NAV2: variants seen among roughly 807,000 people sequenced by gnomAD.
The protein encoded by NAV2 is neuron navigator 2.
A neutral mutation model predicts 223.2 loss-of-function variants in NAV2; 54 were observed. The ratio of observed to expected loss-of-function variants is 0.24; its 90% CI spans 0.19 to 0.30. NAV2 has a LOEUF of 0.30. Ranked by LOEUF, NAV2 falls within the 10% of genes least tolerant of loss-of-function variation. NAV2 has a pLI of 1.00. For missense variants in NAV2, 2,806 were observed against 3,147.5 expected (o/e 0.89, Z 2.60); for synonymous variants, 1,279 against 1,239.3 (o/e 1.03, Z -0.67).
At chr11:19,912,065 T>C (rs944222780) in intron 6 of NAV2, among the ~76,000 whole-genome samples, 3 of 152,216 alleles carry the variant, frequency 2.0e-5, no homozygotes, top group African/African-American at 7.2e-5. Context: ...CTAGGTTACA[T>C]CCTGACTTAA....
intron 11 of NAV2, among the ~76,000 whole-genome samples, chr11:20,026,652 G>A (rs1314763130): frequency 6.6e-6 from 1 of 152,190 alleles, no homozygotes; most frequent in Non-Finnish European, 1.5e-5. Flanking sequence ...ATCTTCTTTG[G>A]TGTGGGAAAC....
Position 19,640,941 on chromosome 11 carries a change from A to G in NAV2, c.76-191543A>G, listed in dbSNP as rs546822464. Reference sequence around the variant, plus strand: ...GGACCCAGGACACCATTAGCGCTATACTTCCCCAAAGTCCCCACCTAGGGA... The same window carrying G: ...GGACCCAGGACACCATTAGCGCTATGCTTCCCCAAAGTCCCCACCTAGGGA... On this transcript the variant is annotated intron_variant, in intron 1 of 37. Coordinates refer to the NAV2 transcript ENST00000360655. 3.9e-5 allele frequency among the ~76,000 whole-genome samples: 6 copies of G among 152,218 alleles called. No individual in the cohort carries two copies. In the South Asian group the frequency reaches 8.3e-4, roughly 21 times the overall value.
chr11:19,988,575 C>T (rs2051021968), intron 11 of NAV2, among the ~76,000 whole-genome samples: 2 of 152,048 alleles, frequency 1.3e-5, no homozygotes, highest in Admixed American at 1.3e-4. Context: ...TTTCATTACC[C>T]TTCAAATTCT....
intron 19 of NAV2, among the ~76,000 whole-genome samples, chr11:20,057,087 TG>T (rs1448883888): frequency 6.6e-6 from 1 of 152,088 alleles, no homozygotes; most frequent in African/African-American, 2.4e-5. Context: ...GTTGTCCCTT[TG>T]TTGCCATTGA....
At chr11:19,831,552 C>T (rs573239739) in intron 1 of NAV2, among the ~76,000 whole-genome samples, 2 of 152,290 alleles carry the variant, frequency 1.3e-5, no homozygotes, top group Admixed American at 6.5e-5. Flanking sequence ...CATATACACT[C>T]TTCTGCAAAC....
At position 20,095,774 on chromosome 11, in the gene NAV2, G is replaced by GT. The variant is rs762435909; in HGVS notation, c.6012+10dup. Reference sequence around the variant, plus strand: ...GGTTAGACGGCTGTTCAAAGTAAGTGTTTCAAGACAACGGCTACAGCATAC... The same window carrying GT: ...GGTTAGACGGCTGTTCAAAGTAAGTGTTTTCAAGACAACGGCTACAGCATAC... On this transcript the variant is annotated splice_region_variant and intron_variant, in intron 30 of 37. Coordinates refer to ENST00000349880, the MANE Select transcript of NAV2 (RefSeq NM_145117.5). 1 of 1,609,814 alleles carries GT rather than the reference G, an allele frequency of 6.2e-7. No individual in the cohort carries two copies. The highest frequency in any genetic ancestry group is 2.2e-5 in the East Asian group (1 of 44,842).
At chr11:19,751,902 GTC>G (rs2053856710) in intron 1 of NAV2, among the ~76,000 whole-genome samples, 1 of 152,006 alleles carries the variant, frequency 6.6e-6, no homozygotes, top group Non-Finnish European at 1.5e-5. Flanking sequence ...GACCCAGGTG[GTC>G]AACTACTAGC....
chr11:19,371,767 GTTTTTTT>G (rs9299953), intron 1 of NAV2, among the ~76,000 whole-genome samples: 25 of 96,964 alleles, frequency 2.6e-4, no homozygotes, highest in Admixed American at 9.5e-4. Context: ...TCTGTATCAG[GTTTTTTT>G]TTTTTTTTTT....
intron 14 of NAV2, among the ~76,000 whole-genome samples, chr11:20,048,118 T>A (rs1382679489): frequency 6.6e-6 from 1 of 152,182 alleles, no homozygotes; most frequent in African/African-American, 2.4e-5. Context: ...CAAGCAAGAT[T>A]TCCATGTATG....
intron 1 of NAV2, among the ~76,000 whole-genome samples, chr11:19,358,229 A>G (rs947572260): frequency 6.6e-6 from 1 of 152,174 alleles, no homozygotes; most frequent in African/African-American, 2.4e-5. Flanking sequence ...GCAGGAGTAG[A>G]TGTTTTTTAC....
chr11:19,820,227 G>A (rs1428700276), intron 1 of NAV2, among the ~76,000 whole-genome samples: 1 of 152,264 alleles, frequency 6.6e-6, no homozygotes, highest in African/African-American at 2.4e-5. Flanking sequence ...ATTGATGTCT[G>A]CTGTCAATAA....
At chr11:20,020,029 G>T (rs1158966919) in intron 11 of NAV2, among the ~76,000 whole-genome samples, 1 of 151,548 alleles carries the variant, frequency 6.6e-6, no homozygotes, top group Admixed American at 6.6e-5. Context: ...GATTTGATGA[G>T]ATTAGTGATA....
intron 36 of NAV2, among the ~76,000 whole-genome samples, chr11:20,108,785 C>T (rs531681952): frequency 6.6e-6 from 1 of 152,232 alleles, no homozygotes; most frequent in East Asian, 1.9e-4. Context: ...CTCACTTGAC[C>T]CAGGGTTTAA....
chr11:19,845,319 G>A (rs779723589), intron 3 of NAV2, among the ~76,000 whole-genome samples: 27 of 152,126 alleles, frequency 1.8e-4, no homozygotes, highest in Admixed American at 1.4e-3. Context: ...TTTGTTGTTC[G>A]CTAAATATTG....
chr11:19,662,148 A>G (rs1235524617), intron 1 of NAV2, among the ~76,000 whole-genome samples: 1 of 152,230 alleles, frequency 6.6e-6, no homozygotes, highest in Non-Finnish European at 1.5e-5. Context: ...GAGGAAGATC[A>G]TCTTCTGTGT....
At chr11:19,552,280 G>C (rs750548976) in intron 1 of NAV2, among the ~76,000 whole-genome samples, 1 of 152,236 alleles carries the variant, frequency 6.6e-6, no homozygotes. Context: ...TCCGTGGACA[G>C]ATGGAGACAC....
intron 1 of NAV2, among the ~76,000 whole-genome samples, chr11:19,707,387 T>C (rs957059790): frequency 2.6e-5 from 4 of 152,196 alleles, no homozygotes; most frequent in Admixed American, 6.5e-5. Flanking sequence ...TAAGCTTTTT[T>C]CTATTAGTTA....
At chr11:19,459,478 G>A (rs1198083632) in intron 1 of NAV2, among the ~76,000 whole-genome samples, 2 of 152,192 alleles carry the variant, frequency 1.3e-5, no homozygotes, top group Admixed American at 6.5e-5. Flanking sequence ...GTGGCCTGGG[G>A]GAGGTGATCA....
intron 1 of NAV2, among the ~76,000 whole-genome samples, chr11:19,705,054 A>G (rs542637864): frequency 6.7e-6 from 1 of 149,950 alleles, no homozygotes; most frequent in Admixed American, 6.7e-5. Context: ...TTAAATATCA[A>G]TTTGAAACTG....
Sources: allele counts gnomAD v4.1 joint callset (sites outside exome capture counted in the v4.1 genomes callset), GRCh38; gene constraint gnomAD v4.1.1; transcripts MANE v1.5; gene names NCBI Gene and HGNC (gene_info 2026-07-23, HGNC 2026-07-21).